Variants in RAB2A observed in about 807,000 individuals in gnomAD.
The protein encoded by RAB2A is RAB2A, member RAS oncogene family.
Under a neutral mutation model 32.5 loss-of-function variants are expected in RAB2A, and 7 were observed. The observed-to-expected ratio is 0.22, with a 90% CI of 0.12 to 0.40. The LOEUF is 0.40. Ranked by LOEUF, RAB2A falls within the 10% of genes least tolerant of loss-of-function variation. The probability of loss-of-function intolerance (pLI) is 1.00; values close to 1 mark genes in which losing one functional copy is unlikely to be tolerated. For missense variants in RAB2A, 108 were observed against 260.7 expected (o/e 0.41, Z 4.03); for synonymous variants, 79 against 85.2 (o/e 0.93, Z 0.40).
At chr8:60,542,542 G>A (rs1364852058) in intron 1 of RAB2A, among the ~76,000 whole-genome samples, 1 of 152,000 alleles carries the variant, frequency 6.6e-6, no homozygotes, top group Non-Finnish European at 1.5e-5. Flanking sequence ...CTTAATAAAT[G>A]TATGCAGAGG....
intron 3 of RAB2A, among the ~76,000 whole-genome samples, chr8:60,583,826 T>C (rs1803804519): frequency 6.6e-6 from 1 of 152,220 alleles, no homozygotes; most frequent in African/African-American, 2.4e-5. Context: ...AATGTGAGGC[T>C]CTGGGTTATT....
chr8:60,590,032 G>T (rs1448416319), intron 5 of RAB2A, among the ~76,000 whole-genome samples: 2 of 151,560 alleles, frequency 1.3e-5, no homozygotes, highest in Non-Finnish European at 2.9e-5. Flanking sequence ...CGCGATCTCT[G>T]CTCACTGCAA....
chr8:60,523,315 G>C (rs1164518393), intron 1 of RAB2A, among the ~76,000 whole-genome samples: 1 of 151,902 alleles, frequency 6.6e-6, no homozygotes, highest in South Asian at 2.1e-4. Flanking sequence ...CCGCCACCAC[G>C]CCCGGCTAAT....
intron 1 of RAB2A, chr8:60,551,983 C>T (rs1807856429): frequency 7.0e-6 from 1 of 142,210 alleles, no homozygotes; most frequent in Non-Finnish European, 1.5e-5. Flanking sequence ...CATGCCTCAG[C>T]CTCTTGAGTA....
rs1011513838 is a variant in RAB2A at position 60,619,919 on chromosome 8, G to A, written c.544-755G>A. On this transcript the variant is annotated intron_variant, in intron 7 of 7. Coordinates refer to ENST00000262646, the MANE Select transcript of RAB2A (RefSeq NM_002865.3). The stretch of plus-strand genomic sequence containing the variant: ...GCCATAGGGCATGCTTTTTATTAAA[G>A]AGGAGTCAAAAGAGCGAAAAGAAAC... Among the ~76,000 whole-genome samples, 4 of 152,222 alleles carry A rather than the reference G, an allele frequency of 2.6e-5. No individual in the cohort carries two copies. The East Asian group carries it at 7.7e-4, about 29-fold the overall frequency.
chr8:60,614,563 C>T (rs566092967), intron 6 of RAB2A, among the ~76,000 whole-genome samples: 2 of 152,136 alleles, frequency 1.3e-5, no homozygotes, highest in Admixed American at 6.5e-5. Flanking sequence ...ATAGTTTTAA[C>T]AGGTGCCCTT....
chr8:60,573,257 G>A (rs2130841222), intron 3 of RAB2A, among the ~76,000 whole-genome samples: 1 of 152,292 alleles, frequency 6.6e-6, no homozygotes, highest in Non-Finnish European at 1.5e-5. Context: ...CTCTAAACCA[G>A]CAAATGAGAT....
chr8:60,566,715 T>C (rs60075768), intron 2 of RAB2A, among the ~76,000 whole-genome samples: 22,112 of 152,200 alleles, frequency 0.15, 4,546 homozygotes, highest in African/African-American at 0.46. Context: ...ACCCAAATAG[T>C]GAACGTGGTT....
chr8:60,537,726 T>C (rs1420733900), intron 1 of RAB2A, among the ~76,000 whole-genome samples: 1 of 152,208 alleles, frequency 6.6e-6, no homozygotes, highest in Non-Finnish European at 1.5e-5. Context: ...AGAGTCTCAC[T>C]CTGTTGCCCA....
chr8:60,604,020 GGGA>G (rs377094853), intron 6 of RAB2A, among the ~76,000 whole-genome samples: 1 of 152,308 alleles, frequency 6.6e-6, no homozygotes, highest in East Asian at 1.9e-4. Flanking sequence ...GGGGCCTGGT[GGGA>G]GGTGATTAGA....
At chr8:60,517,290 G>T in intron 1 of RAB2A, 37 bp downstream of exon 1, 1 of 1,471,688 alleles carries the variant, frequency 6.8e-7, no homozygotes, top group South Asian at 1.3e-5. Context: ...GGTGTCGGCG[G>T]CCTCCGGACC....
chr8:60,571,328 A>G (rs960932674), intron 2 of RAB2A, among the ~76,000 whole-genome samples: 2 of 152,252 alleles, frequency 1.3e-5, no homozygotes, highest in African/African-American at 4.8e-5. Context: ...GTAGCAATAA[A>G]GTACCAAATT....
At chr8:60,521,695 A>G (rs1167817157) in intron 1 of RAB2A, among the ~76,000 whole-genome samples, 2 of 152,142 alleles carry the variant, frequency 1.3e-5, no homozygotes, top group African/African-American at 2.4e-5. Flanking sequence ...ATCTGGGTTC[A>G]CTGCAACCTC....
At chr8:60,574,805 A>C (rs1017110840) in intron 3 of RAB2A, among the ~76,000 whole-genome samples, 2 of 152,192 alleles carry the variant, frequency 1.3e-5, no homozygotes, top group African/African-American at 4.8e-5. Context: ...TATGCTGGAC[A>C]GTATGAGAAA....
chr8:60,584,399 C>G, intron 4 of RAB2A, 109 bp downstream of exon 4: 1 of 906,534 alleles, frequency 1.1e-6, no homozygotes, highest in Non-Finnish European at 1.7e-6. Context: ...CCCGGCTACT[C>G]ACCTTTAAAA....
chr8:60,556,797 A>G (rs1174400646), intron 1 of RAB2A, among the ~76,000 whole-genome samples: 1 of 152,132 alleles, frequency 6.6e-6, no homozygotes. Context: ...GAAGTGGGAA[A>G]GGGTTTTCTG....
chr8:60,600,724 C>A (rs1342822524), intron 6 of RAB2A, among the ~76,000 whole-genome samples: 1 of 152,162 alleles, frequency 6.6e-6, no homozygotes, highest in Non-Finnish European at 1.5e-5. Context: ...CCATGGAATA[C>A]TACTCAACAA....
At chr8:60,586,632 G>C (rs115768141) in intron 5 of RAB2A, among the ~76,000 whole-genome samples, 1,740 of 151,794 alleles carry the variant, frequency 0.011, 41 homozygotes, top group African/African-American at 0.039. Flanking sequence ...AAAATTCATT[G>C]AAGGCCAGGT....
chr8:60,584,159 A>G (rs1563477834), intron 3 of RAB2A, 49 bp from the exon 4 acceptor site: 1 of 1,370,758 alleles, frequency 7.3e-7, no homozygotes. Flanking sequence ...ATGAAAATGT[A>G]GAGGACATTG....
Sources: allele counts gnomAD v4.1 joint callset (sites outside exome capture counted in the v4.1 genomes callset), GRCh38; gene constraint gnomAD v4.1.1; transcripts MANE v1.5; gene names NCBI Gene and HGNC (gene_info 2026-07-23, HGNC 2026-07-21).